TCAF1: variants seen among roughly 807,000 people sequenced by gnomAD.
The protein encoded by TCAF1 is TRPM8 channel-associated factor 1.
Under a neutral mutation model 27.3 loss-of-function variants are expected in TCAF1, and 4 were observed. The observed-to-expected ratio is 0.15, with a 90% CI of 0.07 to 0.34. TCAF1 has a LOEUF of 0.34. Ranked by LOEUF, TCAF1 falls within the 10% of genes least tolerant of loss-of-function variation. TCAF1 has a pLI of 1.00. For missense variants in TCAF1, 257 were observed against 425.8 expected (o/e 0.60, Z 3.49); for synonymous variants, 105 against 167.1 (o/e 0.63, Z 2.87).
rs533811676 is a variant in TCAF1 at position 143,876,562 on chromosome 7, G to T, written c.47C>A (p.Thr16Lys). 3.1e-5 allele frequency: 48 copies of T among 1,531,814 alleles called. No homozygotes were observed. The African/African-American group carries it at 5.7e-4, about 18-fold the overall frequency. 94.9% of individuals were successfully genotyped at this position (1,531,814 alleles called of 1,614,324 possible). Residue 16 changes from threonine (T) to lysine (K), a missense_variant, in exon 2 of 9, where the codon ACA (threonine) becomes AAA (lysine). By Grantham distance (78) the Thr-to-Lys change is moderately conservative. Coordinates refer to ENST00000479870, the MANE Select transcript of TCAF1 (RefSeq NM_014719.3). ...AAFEALMNGV[T>K]SWDVPEDAVP... ...AGCATCTTCGGGTACATCCCAGCTTGTCACACCATTCATAAGGGCCTCGAA... is the reference window on the plus strand; with the variant it reads ...AGCATCTTCGGGTACATCCCAGCTTTTCACACCATTCATAAGGGCCTCGAA...
At chr7:143,887,398 T>A (rs1247451620) in intron 1 of TCAF1, among the ~76,000 whole-genome samples, 1 of 152,214 alleles carries the variant, frequency 6.6e-6, no homozygotes, top group Non-Finnish European at 1.5e-5. Flanking sequence ...TGTTTATGTT[T>A]AAGCACAGAA....
At position 143,889,979 on chromosome 7, in the gene TCAF1, G is replaced by A. The variant is rs191302160; in HGVS notation, c.-15+11982C>T. On this transcript the variant is annotated intron_variant, in intron 1 of 8. Coordinates refer to ENST00000479870, the MANE Select transcript of TCAF1 (RefSeq NM_014719.3). ...CGTTTCCTAATCTCAAAAAATCTGT[G>A]AAGGGCACCCATTTTTCTTTTTTTT... 3.8e-3 allele frequency among the ~76,000 whole-genome samples: 572 copies of A among 152,062 alleles called. 7 individuals carry two copies. Among genetic ancestry groups the A allele is most frequent in the Middle Eastern group, 0.01 (3 of 292 alleles).
chr7:143,883,494 CTTTTTCTTT>C (rs1441825849), intron 1 of TCAF1, among the ~76,000 whole-genome samples: 5 of 105,216 alleles, frequency 4.8e-5, no homozygotes, highest in African/African-American at 1.9e-4. Flanking sequence ...TCTTTCTTTC[CTTTTTCTTT>C]TTTTTTTTTT....
At chr7:143,880,422 T>C (rs1174086887) in intron 1 of TCAF1, among the ~76,000 whole-genome samples, 1 of 152,164 alleles carries the variant, frequency 6.6e-6, no homozygotes, top group African/African-American at 2.4e-5. Flanking sequence ...ATACCAGGCT[T>C]TTATATGCAT....
At position 143,876,365 on chromosome 7, in the gene TCAF1, C is replaced by G. The variant is rs199966585; in HGVS notation, c.244G>C (p.Gly82Arg). The G allele has an allele frequency of 2.5e-6, 4 of 1,614,182 alleles. No homozygotes were observed. In the South Asian group the frequency reaches 4.4e-5, roughly 18 times the overall value. ...QLTPFLLNAV[G>R]WLCSSPGAPI... is the part of the protein sequence containing the mutation. ...GCCCCAGGGGAAGAGCAAAGCCACC[C>G]CACTGCGTTCAGGAGAAAGGGCGTG... Residue 82 changes from glycine to arginine, a missense_variant, in exon 2 of 9, where the codon GGG (glycine) becomes CGG (arginine). Physicochemically the swap from Gly to Arg is moderately radical, Grantham distance 125. Around this residue, in one of 2 missense-constraint regions of TCAF1, gnomAD observed 255 missense variants for 260.1 expected, o/e 0.98. Transcript: ENST00000479870.
chr7:143,875,848 A>T, intron 2 of TCAF1, 141 bp downstream of exon 2: 1 of 675,502 alleles, frequency 1.5e-6, no homozygotes, highest in Non-Finnish European at 2.4e-6. Flanking sequence ...CAGGGCATTT[A>T]AAAAATCTAG....
chr7:143,886,577 G>T (rs1360341796), intron 1 of TCAF1: 1 of 973,598 alleles, frequency 1.0e-6, no homozygotes, highest in Non-Finnish European at 1.2e-6. Flanking sequence ...AAATCCTTAG[G>T]ATCATTCCTC....
intron 1 of TCAF1, among the ~76,000 whole-genome samples, chr7:143,877,336 C>T (rs1221808474): frequency 6.6e-6 from 1 of 152,152 alleles, no homozygotes; most frequent in Non-Finnish European, 1.5e-5. Flanking sequence ...CCAGCCCATT[C>T]CATCCCTCTT....
intron 1 of TCAF1, among the ~76,000 whole-genome samples, chr7:143,890,924 A>AG (rs1813612204): frequency 1.3e-5 from 2 of 152,248 alleles, no homozygotes; most frequent in Admixed American, 1.3e-4. Context: ...CAGTCATTTC[A>AG]GTGGTTATAT....
At chr7:143,889,439 T>C (rs922618197) in intron 1 of TCAF1, among the ~76,000 whole-genome samples, 2 of 152,160 alleles carry the variant, frequency 1.3e-5, no homozygotes, top group Admixed American at 6.5e-5. Context: ...AAAATGAAAG[T>C]TGAGCAAACT....
intron 1 of TCAF1, among the ~76,000 whole-genome samples, 168 bp downstream of exon 1, chr7:143,901,793 C>T (rs1421162963): frequency 6.6e-6 from 1 of 152,182 alleles, no homozygotes; most frequent in Non-Finnish European, 1.5e-5. Context: ...ATGAAATAGG[C>T]ACCGAGCTGC....
chr7:143,895,621 G>A (rs1813836469), intron 1 of TCAF1, among the ~76,000 whole-genome samples: 2 of 151,340 alleles, frequency 1.3e-5, no homozygotes, highest in Non-Finnish European at 3.0e-5. Context: ...CTAACTCTAC[G>A]CACATTATAA....
In TCAF1 at chr7:143,852,429, T is replaced by C. The variant is rs1168765371; in HGVS notation, c.*1704A>G. The C allele has an allele frequency of 2.0e-5, 3 of 152,558 alleles. No individual in the cohort carries two copies. Among genetic ancestry groups the C allele is most frequent in the Non-Finnish European group, 4.4e-5 (3 of 68,212 alleles). 9.5% of individuals were successfully genotyped at this position (152,558 alleles called of 1,614,324 possible). On this transcript the variant is annotated 3_prime_UTR_variant, in exon 9 of 9. Coordinates refer to ENST00000479870, the MANE Select transcript of TCAF1 (RefSeq NM_014719.3). Reference sequence around the variant, plus strand: ...GGTCCACTGTTTTATGGATCCCATTTCTTCTTCTTTCCTGGTTTTCATCCT... The same window carrying C: ...GGTCCACTGTTTTATGGATCCCATTCCTTCTTCTTTCCTGGTTTTCATCCT...
At chr7:143,895,935 T>C (rs10240272) in intron 1 of TCAF1, among the ~76,000 whole-genome samples, 51,938 of 112,096 alleles carry the variant, frequency 0.46, 10,942 homozygotes, top group African/African-American at 0.61. Context: ...AGGAAAAAAA[T>C]GGGTGGGGGG....
At position 143,876,054 on chromosome 7, in the gene TCAF1, G is replaced by A. The variant is rs764991067; in HGVS notation, c.555C>T (p.Asp185=). 3.1e-6 allele frequency: 5 copies of A among 1,606,570 alleles called. No homozygotes were observed. The highest frequency in any genetic ancestry group is 4.5e-5 in the East Asian group (2 of 44,760). The part of the protein sequence containing the change: ...VTSVAGIYFT[D]NKGDTSFFKV... ...TAAAGAAACTCGTGTCCCCTTTGTT[G>A]TCAGTAAAGTAAATGCCAGCCACAC... The change falls in exon 2 of 9, where the codon GAC becomes GAT. Residue 185 remains aspartate, a synonymous_variant. Transcript: ENST00000479870.
At chr7:143,885,839 G>T (rs944741846) in intron 1 of TCAF1, among the ~76,000 whole-genome samples, 1 of 152,130 alleles carries the variant, frequency 6.6e-6, no homozygotes, top group Admixed American at 6.5e-5. Flanking sequence ...CTTCAGACAG[G>T]AAAGTGGATT....
chr7:143,894,722 T>C (rs920560044), intron 1 of TCAF1, among the ~76,000 whole-genome samples: 3 of 151,538 alleles, frequency 2.0e-5, no homozygotes, highest in African/African-American at 7.3e-5. Context: ...TTAGATATTA[T>C]AAAAATTAAA....
In TCAF1 at chr7:143,876,040, G is replaced by A. The variant is rs371193450; in HGVS notation, c.569C>T (p.Thr190Met). Residue 190 changes from threonine to methionine, a missense_variant, in exon 2 of 9, where the codon ACG becomes ATG. Coordinates refer to ENST00000479870, the MANE Select transcript of TCAF1 (RefSeq NM_014719.3). ...GIYFTDNKGDTSFFKVSKKMP... is the reference protein window; with the variant it reads ...GIYFTDNKGDMSFFKVSKKMP... Reference sequence around the variant, plus strand: ...CTTCTTGGAGACTTTAAAGAAACTCGTGTCCCCTTTGTTGTCAGTAAAGTA... The same window carrying A: ...CTTCTTGGAGACTTTAAAGAAACTCATGTCCCCTTTGTTGTCAGTAAAGTA... The A allele has an allele frequency of 3.9e-5, 62 of 1,593,542 alleles. No individual in the cohort carries two copies. The highest frequency in any genetic ancestry group is 9.0e-5 in the East Asian group (4 of 44,640).
Position 143,876,501 on chromosome 7 carries a change from TGAA to T in TCAF1, c.105_107del (p.Ser36del). ...CCATGTCATTCACCATCACAGGAAA[TGAA>T]GCCTCTCCAATAAGAAGCAGTTCAC... On this transcript the variant is annotated inframe_deletion, in exon 2 of 9. Coordinates refer to ENST00000479870, the MANE Select transcript of TCAF1 (RefSeq NM_014719.3). The T allele has an allele frequency of 6.3e-7, 1 of 1,585,480 alleles. No individual in the cohort carries two copies. Among genetic ancestry groups the T allele is most frequent in the South Asian group, 1.2e-5 (1 of 85,122 alleles).
Sources: allele counts gnomAD v4.1 joint callset (sites outside exome capture counted in the v4.1 genomes callset), GRCh38; gene constraint gnomAD v4.1.1; regional missense constraint gnomAD v4.1.1; transcripts MANE v1.5; gene names NCBI Gene and HGNC (gene_info 2026-07-23, HGNC 2026-07-21).